USP7: variants seen among roughly 807,000 people sequenced by gnomAD.
The protein encoded by USP7 is ubiquitin specific peptidase 7.
USP7 carries 9 observed loss-of-function variants against 162.9 expected under a neutral mutation model. That is an observed-to-expected ratio of 0.06 (90% CI 0.03 to 0.10). USP7 has a LOEUF of 0.10. Ranked by LOEUF, USP7 falls within the 10% of genes least tolerant of loss-of-function variation. USP7 has a pLI of 1.00. For missense variants in USP7, 715 were observed against 1,373.7 expected, an observed-to-expected ratio of 0.52 and a Z score of 7.58; for synonymous variants, 562 against 475.9, an observed-to-expected ratio of 1.18 and a Z score of -2.35.
intron 1 of USP7, among the ~76,000 whole-genome samples, chr16:8,951,384 C>CT (rs1899541101): frequency 7.5e-6 from 1 of 132,846 alleles, no homozygotes; most frequent in African/African-American, 2.8e-5. Flanking sequence ...CTTAAAGAAA[C>CT]TAGGTGATTT....
At position 8,949,911 on chromosome 16, in the gene USP7, C is replaced by CG. The variant is rs1899471971; in HGVS notation, c.79+13295_79+13296insC. Among the ~76,000 whole-genome samples, 4 of 152,290 alleles carry CG rather than the reference C, an allele frequency of 2.6e-5. No homozygotes were observed. In the South Asian group the frequency reaches 8.3e-4, roughly 32 times the overall value. ...TTGGCTTTCCATATTCTAAACCATA[C>CG]TGGTCAAGGAGGTCTAACGGTTGCT... On this transcript the variant is annotated intron_variant, in intron 1 of 30. Coordinates refer to ENST00000344836, the MANE Select transcript of USP7 (RefSeq NM_003470.3).
At chr16:8,934,468 G>T (rs752660336) in intron 1 of USP7, among the ~76,000 whole-genome samples, 4 of 152,242 alleles carry the variant, frequency 2.6e-5, no homozygotes, top group African/African-American at 4.8e-5. Flanking sequence ...ACAGGATGGG[G>T]TGGGGGAAAT....
intron 1 of USP7, among the ~76,000 whole-genome samples, chr16:8,960,736 C>CT (rs147674955): frequency 6.6e-6 from 1 of 152,332 alleles, no homozygotes; most frequent in East Asian, 1.9e-4. Context: ...AGCCTTCTGG[C>CT]TTTTTAACAG....
At chr16:8,909,198 G>T (rs1163013655) in intron 11 of USP7, among the ~76,000 whole-genome samples, 3 of 152,172 alleles carry the variant, frequency 2.0e-5, no homozygotes, top group Non-Finnish European at 2.9e-5. Flanking sequence ...GTAAAATCAG[G>T]CTTTGCCTAT....
chr16:8,943,872 G>C (rs575435232), intron 1 of USP7, among the ~76,000 whole-genome samples: 1 of 152,114 alleles, frequency 6.6e-6, no homozygotes, highest in Non-Finnish European at 1.5e-5. Context: ...TTAAACATAA[G>C]TTTAATTTTT....
chr16:8,897,198 G>A lies in USP7; in HGVS notation c.2719-99C>T, dbSNP rs1235701523. Reference sequence around the variant, plus strand: ...GAAAGTTGCATCATTGTTCTCAACTGTCCCCAGCTGGCCCCCATGTTCTTG... The same window carrying A: ...GAAAGTTGCATCATTGTTCTCAACTATCCCCAGCTGGCCCCCATGTTCTTG... On this transcript the variant is annotated intron_variant, in intron 25 of 30. Coordinates refer to ENST00000344836, the MANE Select transcript of USP7 (RefSeq NM_003470.3). 4.4e-6 allele frequency: 4 copies of A among 899,992 alleles called. No homozygotes were observed. In the African/African-American group the frequency reaches 5.0e-5, roughly 11 times the overall value. 55.8% of individuals were successfully genotyped at this position (899,992 alleles called of 1,614,324 possible).
rs780760921 is a variant in USP7 at position 8,932,061 on chromosome 16, T to C, written c.80-1664A>G. Among the ~76,000 whole-genome samples the C allele has an allele frequency of 2.6e-5, 4 of 151,934 alleles. No homozygotes were observed. In the South Asian group the frequency reaches 6.2e-4, roughly 24 times the overall value. Reference sequence around the variant, plus strand: ...CACCACGGACAGTGCCATGCTCACCTCCCCCTCCAAGAACTCTCCAAAACC... The same window carrying C: ...CACCACGGACAGTGCCATGCTCACCCCCCCCTCCAAGAACTCTCCAAAACC... On this transcript the variant is annotated intron_variant, in intron 1 of 30. Transcript: ENST00000344836.
intron 10 of USP7, among the ~76,000 whole-genome samples, chr16:8,911,760 C>A (rs2061950109): frequency 6.6e-6 from 1 of 152,186 alleles, no homozygotes; most frequent in Non-Finnish European, 1.5e-5. Context: ...AAAGCGAGAT[C>A]TGGGGATGTG....
At chr16:8,940,571 GA>G (rs528513390) in intron 1 of USP7, among the ~76,000 whole-genome samples, 2 of 152,294 alleles carry the variant, frequency 1.3e-5, no homozygotes, top group South Asian at 4.1e-4. Context: ...ATCAGAAAGG[GA>G]GAGGTGGGAG....
chr16:8,926,459 A>G (rs1043669402), intron 2 of USP7, among the ~76,000 whole-genome samples: 4 of 152,202 alleles, frequency 2.6e-5, no homozygotes, highest in Non-Finnish European at 5.9e-5. Context: ...AGCCTGGGCA[A>G]CAAGAGCAAA....
chr16:8,963,209 T>C lies in USP7; in HGVS notation c.77A>G (p.Glu26Gly), dbSNP rs1389183291. 2.1e-6 allele frequency: 3 copies of C among 1,414,980 alleles called. No individual in the cohort carries two copies. The highest frequency in any genetic ancestry group is 2.5e-5 in the Admixed American group (1 of 40,412). The allele number at this position is 1,414,980 out of a possible 1,614,324, so 87.7% of individuals were successfully genotyped here. The change falls in exon 1 of 31, where the codon GAA becomes GGA. Residue 26 changes from glutamate to glycine, a missense_variant and splice_region_variant. By Grantham distance (98) the Glu-to-Gly change is moderately conservative. Transcript: ENST00000344836. ...CGCGGCCGGCCCTCGGGCCTCACCT[T>C]CCATCTCCATGTCCTCGGGCTCGCT... ...QLSEPEDMEMEAGDTDDPPRI... is the reference protein window; with the variant it reads ...QLSEPEDMEMGAGDTDDPPRI...
intron 1 of USP7, among the ~76,000 whole-genome samples, chr16:8,939,874 C>T (rs916000297): frequency 6.6e-6 from 1 of 152,168 alleles, no homozygotes; most frequent in Non-Finnish European, 1.5e-5. Context: ...CCAAGGAGGG[C>T]AGATCACGAG....
At chr16:8,942,900 C>A (rs1412811553) in intron 1 of USP7, among the ~76,000 whole-genome samples, 1 of 152,168 alleles carries the variant, frequency 6.6e-6, no homozygotes, top group Non-Finnish European at 1.5e-5. Flanking sequence ...CCTCATTAGG[C>A]TGGCTGGAAA....
intron 25 of USP7, 198 bp from the exon 26 acceptor site, chr16:8,897,297 A>G (rs2061697481): frequency 1.8e-6 from 1 of 549,492 alleles, no homozygotes; most frequent in Non-Finnish European, 3.2e-6. Flanking sequence ...TCTAGGACCA[A>G]CCAAATACTG....
intron 2 of USP7, among the ~76,000 whole-genome samples, chr16:8,924,309 T>C (rs867137507): frequency 1.3e-5 from 2 of 152,252 alleles, no homozygotes; most frequent in East Asian, 1.9e-4. Context: ...ACCAATACTT[T>C]TATAAAGCAT....
At chr16:8,958,907 G>C (rs1229523940) in intron 1 of USP7, among the ~76,000 whole-genome samples, 1 of 152,260 alleles carries the variant, frequency 6.6e-6, no homozygotes, top group African/African-American at 2.4e-5. Context: ...GCAGAGGCCG[G>C]ATGGCTTCTT....
At chr16:8,904,039 C>A (rs1056970135) in intron 15 of USP7, among the ~76,000 whole-genome samples, 1 of 152,214 alleles carries the variant, frequency 6.6e-6, no homozygotes, top group African/African-American at 2.4e-5. Flanking sequence ...TTAATCACTT[C>A]TCTGTCTGGT....
At chr16:8,942,183 C>T (rs1025083953) in intron 1 of USP7, among the ~76,000 whole-genome samples, 6 of 152,252 alleles carry the variant, frequency 3.9e-5, no homozygotes, top group African/African-American at 7.2e-5. Context: ...TTCTTAACTT[C>T]ACTCTAAAAT....
chr16:8,910,668 TTTTA>T (rs2061932227), intron 11 of USP7, 73 bp downstream of exon 11: 2 of 1,379,550 alleles, frequency 1.4e-6, no homozygotes, highest in African/African-American at 2.9e-5. Flanking sequence ...ACAAGCAAAT[TTTTA>T]TTTAGCAATT....
Sources: allele counts gnomAD v4.1 joint callset (sites outside exome capture counted in the v4.1 genomes callset), GRCh38; gene constraint gnomAD v4.1.1; transcripts MANE v1.5; gene names NCBI Gene and HGNC (gene_info 2026-07-23, HGNC 2026-07-21).